The following CAMK2D variants were observed in gnomAD, a reference collection of about 807,000 sequenced individuals.
CAMK2D encodes calcium/calmodulin-dependent protein kinase type II subunit delta.
CAMK2D carries 37 observed loss-of-function variants against 84.0 expected under a neutral mutation model. That is an observed-to-expected ratio of 0.44 (90% confidence interval 0.34 to 0.58). The LOEUF is 0.58. Ranked by LOEUF, CAMK2D falls within the 20% of genes least tolerant of loss-of-function variation. The probability of loss-of-function intolerance (pLI) is 0.02; values close to 1 mark genes in which losing one functional copy is unlikely to be tolerated. For synonymous variants in CAMK2D, 202 were observed against 212.5 expected (o/e 0.95, Z 0.43); for missense variants, 448 against 652.5 (o/e 0.69, Z 3.41).
chr4:113,595,612 C>A (rs2098921903), intron 4 of CAMK2D, among the ~76,000 whole-genome samples: 1 of 152,024 alleles, frequency 6.6e-6, no homozygotes, highest in Non-Finnish European at 1.5e-5. Flanking sequence ...CACACCACCA[C>A]AATAAAGCAA....
chr4:113,654,856 A>G (rs1265113705), intron 3 of CAMK2D, among the ~76,000 whole-genome samples: 2 of 151,742 alleles, frequency 1.3e-5, no homozygotes, highest in African/African-American at 4.8e-5. Flanking sequence ...TGTAATACAT[A>G]TCATATATTA....
At chr4:113,517,453 TG>T in intron 9 of CAMK2D, 109 bp downstream of exon 9, 1 of 512,628 alleles carries the variant, frequency 2.0e-6, no homozygotes, top group Non-Finnish European at 3.6e-6. Flanking sequence ...GGAAATAATA[TG>T]AGAAAGTGGT....
rs116357595 is a variant in CAMK2D, at chr4:113,571,602, G to A, written c.276-19506C>T. Among the ~76,000 whole-genome samples the A allele has an allele frequency of 5.2e-3, 793 of 152,242 alleles. 9 individuals carry two copies. The highest frequency in any genetic ancestry group is 0.018 in the African/African-American group (756 of 41,538). On this transcript the variant is annotated intron_variant, in intron 4 of 20. Coordinates refer to ENST00000511664, the MANE Select transcript of CAMK2D (RefSeq NM_001321571.2). ...AAAAAAGTCAAACTCGGCTGGGCGC[G>A]GTGGCTCACGCCTGTAATCCCAGCA... is the stretch of plus-strand genomic sequence containing the variant.
intron 16 of CAMK2D, among the ~76,000 whole-genome samples, chr4:113,493,433 T>A (rs1213702370): frequency 2.8e-4 from 42 of 152,172 alleles, no homozygotes; most frequent in African/African-American, 9.6e-4. Context: ...AAATTCTGGG[T>A]TGAAAATTCT....
intron 13 of CAMK2D, among the ~76,000 whole-genome samples, chr4:113,506,139 A>G (rs114958232): frequency 0.014 from 2,095 of 152,302 alleles, 43 homozygotes; most frequent in African/African-American, 0.047. Context: ...AATGAGTATC[A>G]AATGAGCATT....
intron 13 of CAMK2D, among the ~76,000 whole-genome samples, chr4:113,507,269 A>AGAT (rs886811336): frequency 3.3e-5 from 5 of 150,526 alleles, no homozygotes; most frequent in African/African-American, 1.2e-4. Flanking sequence ...TTTTTCTTTG[A>AGAT]GATGGAGTTT....
intron 15 of CAMK2D, among the ~76,000 whole-genome samples, 186 bp downstream of exon 15, chr4:113,502,750 A>G (rs574888672): frequency 7.2e-5 from 11 of 152,254 alleles, no homozygotes; most frequent in African/African-American, 2.6e-4. Context: ...CTCTTTCAAG[A>G]TGTCATTCAT....
At chr4:113,725,877 A>G (rs1184721400) in intron 2 of CAMK2D, among the ~76,000 whole-genome samples, 1 of 152,192 alleles carries the variant, frequency 6.6e-6, no homozygotes, top group Non-Finnish European at 1.5e-5. Flanking sequence ...AAATCATACC[A>G]TATACATACA....
At chr4:113,641,443 A>G (rs1014122681) in intron 3 of CAMK2D, among the ~76,000 whole-genome samples, 1 of 152,230 alleles carries the variant, frequency 6.6e-6, no homozygotes, top group Non-Finnish European at 1.5e-5. Flanking sequence ...AGAAAATTAA[A>G]TAAGATAATT....
chr4:113,506,345 CTG>C (rs1243060739), intron 13 of CAMK2D, among the ~76,000 whole-genome samples: 1 of 152,172 alleles, frequency 6.6e-6, no homozygotes, highest in Non-Finnish European at 1.5e-5. Context: ...AGTTGTGACA[CTG>C]TGCTGCTTGA....
chr4:113,629,974 A>G (rs1201497598), intron 3 of CAMK2D, among the ~76,000 whole-genome samples: 1 of 152,048 alleles, frequency 6.6e-6, no homozygotes, highest in Non-Finnish European at 1.5e-5. Flanking sequence ...AATTTAATTT[A>G]GCAGTATGAT....
chr4:113,518,355 A>C (rs1237917498), intron 8 of CAMK2D, among the ~76,000 whole-genome samples: 1 of 152,208 alleles, frequency 6.6e-6, no homozygotes, highest in Non-Finnish European at 1.5e-5. Context: ...AAATTTGCTA[A>C]AATTTTTCAC....
intron 2 of CAMK2D, among the ~76,000 whole-genome samples, chr4:113,709,745 C>CTATATATATATATATATATATATATA (rs1554070590): frequency 4.1e-5 from 1 of 24,638 alleles, no homozygotes; most frequent in African/African-American, 2.5e-4. Flanking sequence ...AAGCCGTGAA[C>CTATATATATATATATATATATATATA]GATATATATA....
intron 2 of CAMK2D, among the ~76,000 whole-genome samples, chr4:113,670,641 T>C (rs1005177388): frequency 2.4e-4 from 37 of 152,026 alleles, no homozygotes; most frequent in African/African-American, 8.9e-4. Flanking sequence ...TTAGGCATAA[T>C]AGAGCTAAGT....
intron 4 of CAMK2D, among the ~76,000 whole-genome samples, chr4:113,597,694 A>G (rs1242392265): frequency 6.6e-6 from 1 of 152,214 alleles, no homozygotes; most frequent in Non-Finnish European, 1.5e-5. Flanking sequence ...TTTCCTTTGC[A>G]TTCACAACTC....
chr4:113,553,028 A>G (rs1246330331), intron 4 of CAMK2D, among the ~76,000 whole-genome samples: 1 of 152,166 alleles, frequency 6.6e-6, no homozygotes, highest in Non-Finnish European at 1.5e-5. Context: ...CTCTGCTATG[A>G]TCTGGCTTGA....
At position 113,640,715 on chromosome 4, in the gene CAMK2D, T is replaced by C. The variant is rs552748719; in HGVS notation, c.220+20998A>G. Reference sequence around the variant, plus strand: ...ATAGAAGAAGCCTGAAAGCAGACGCTTAGAAAATAAATGTGCATTAAGGAA... The same window carrying C: ...ATAGAAGAAGCCTGAAAGCAGACGCCTAGAAAATAAATGTGCATTAAGGAA... On this transcript the variant is annotated intron_variant, in intron 3 of 20. Transcript: ENST00000511664. 1.2e-4 allele frequency among the ~76,000 whole-genome samples: 19 copies of C among 152,206 alleles called. No individual in the cohort carries two copies. The South Asian group carries it at 2.5e-3, about 20-fold the overall frequency.
chr4:113,524,837 TGTAAGTTCAGA>T (rs1278672845), intron 8 of CAMK2D, among the ~76,000 whole-genome samples: 1 of 152,146 alleles, frequency 6.6e-6, no homozygotes, highest in African/African-American at 2.4e-5. Flanking sequence ...TAAGACAGTG[TGTAAGTTCAGA>T]GTAAGAGAAT....
chr4:113,687,026 C>T (rs2154338613), intron 2 of CAMK2D, among the ~76,000 whole-genome samples: 1 of 152,190 alleles, frequency 6.6e-6, no homozygotes, highest in South Asian at 2.1e-4. Context: ...GAAAAAAAAT[C>T]AACTATGTAT....
Sources: gnomAD v4.1 joint callset for allele counts (sites outside exome capture counted in the v4.1 genomes callset) on GRCh38, gnomAD v4.1.1 for gene constraint, MANE v1.5 for transcripts, NCBI Gene and HGNC (gene_info 2026-07-23, HGNC 2026-07-21) for gene names.